IMMP1L: variants seen among roughly 807,000 people sequenced by gnomAD.
IMMP1L encodes mitochondrial inner membrane protease subunit 1.
A neutral mutation model predicts 21.8 loss-of-function variants in IMMP1L; 24 were observed. The observed-to-expected ratio is 1.10, with a 90% CI of 0.80 to 1.55. The LOEUF is 1.55. Ranked by LOEUF, IMMP1L falls within the 40% of genes most tolerant of loss-of-function variation. The pLI, the probability that IMMP1L is intolerant of heterozygous loss-of-function variation, is 0.00. For synonymous variants in IMMP1L, 46 were observed against 62.8 expected, an observed-to-expected ratio of 0.73 and a Z score of 1.26; for missense variants, 195 against 200.7, an observed-to-expected ratio of 0.97 and a Z score of 0.17.
chr11:31,475,017 C>T (rs1043505669), intron 1 of IMMP1L, among the ~76,000 whole-genome samples: 5 of 152,142 alleles, frequency 3.3e-5, no homozygotes, highest in Non-Finnish European at 7.4e-5. Flanking sequence ...CCGACGCATA[C>T]TCAATATTTT....
chr11:31,462,316 CAAA>C (rs777053056), intron 2 of IMMP1L, among the ~76,000 whole-genome samples: 6 of 71,996 alleles, frequency 8.3e-5, no homozygotes, highest in Admixed American at 1.5e-4. Flanking sequence ...ACCCTGTCTC[CAAA>C]AAAAAAAAAA....
intron 1 of IMMP1L, among the ~76,000 whole-genome samples, chr11:31,479,140 A>C (rs904765161): frequency 2.0e-5 from 3 of 152,078 alleles, no homozygotes; most frequent in Non-Finnish European, 4.4e-5. Flanking sequence ...TTTTATATAA[A>C]AAAAAAGTAC....
At chr11:31,459,914 T>C (rs534123010) in intron 3 of IMMP1L, among the ~76,000 whole-genome samples, 2 of 152,190 alleles carry the variant, frequency 1.3e-5, no homozygotes, top group African/African-American at 4.8e-5. Context: ...CCCAACACTT[T>C]GGGAGGCTGA....
Position 31,432,689 on chromosome 11 carries a change from A to C in IMMP1L, c.433-121T>G, listed in dbSNP as rs533363287. 1.8e-4 allele frequency: 118 copies of C among 663,566 alleles called. 2 individuals are homozygous for C. The African/African-American group carries it at 1.9e-3, about 11-fold the overall frequency. The allele number at this position is 663,566 out of a possible 1,614,324, so 41.1% of individuals were successfully genotyped here. A position where few individuals can be genotyped will look rare whatever the true frequency, so the allele number is the denominator to read the frequency against. ...GATAAACACTTTCTCCTTACTCATC[A>C]ATCAAGAATAAAATTTTCTACATCA... On this transcript the variant is annotated intron_variant, in intron 5 of 5. Transcript: ENST00000532287.
intron 4 of IMMP1L, among the ~76,000 whole-genome samples, chr11:31,448,759 G>C (rs1953628227): frequency 6.6e-6 from 1 of 152,136 alleles, no homozygotes; most frequent in Non-Finnish European, 1.5e-5. Context: ...CCATATTACT[G>C]TTAAACTAAG....
chr11:31,460,571 CAAT>C (rs762723126), intron 3 of IMMP1L, 52 bp downstream of exon 3: 103 of 1,074,060 alleles, frequency 9.6e-5, no homozygotes, highest in Non-Finnish European at 1.3e-4. Flanking sequence ...AGAAAAGCCA[CAAT>C]GTGTGTGTGT....
chr11:31,485,687 A>T (rs1411837746), intron 1 of IMMP1L, among the ~76,000 whole-genome samples: 1 of 151,908 alleles, frequency 6.6e-6, no homozygotes, highest in Non-Finnish European at 1.5e-5. Flanking sequence ...GACAACAAAA[A>T]GCAAGAATTA....
intron 1 of IMMP1L, among the ~76,000 whole-genome samples, chr11:31,489,681 CTCT>C (rs1955193635): frequency 6.6e-6 from 1 of 152,176 alleles, no homozygotes; most frequent in South Asian, 2.1e-4. Flanking sequence ...TCTCTTCCTC[CTCT>C]TTTGTAATGC....
At chr11:31,497,460 C>CTTTTTTTTT (rs796666845) in intron 1 of IMMP1L, among the ~76,000 whole-genome samples, 1 of 123,998 alleles carries the variant, frequency 8.1e-6, no homozygotes. Context: ...TATTTCTTTT[C>CTTTTTTTTT]TTTTTTTTTT....
chr11:31,499,390 A>T (rs1303575660), intron 1 of IMMP1L, among the ~76,000 whole-genome samples: 1 of 151,802 alleles, frequency 6.6e-6, no homozygotes, highest in Non-Finnish European at 1.5e-5. Context: ...ACAAAACAAA[A>T]CAAAAAACAC....
chr11:31,452,587 G>A (rs1186358033), intron 4 of IMMP1L: 2 of 985,388 alleles, frequency 2.0e-6, no homozygotes, highest in Non-Finnish European at 2.4e-6. Flanking sequence ...ATACAGAAAG[G>A]CAACATACTC....
At chr11:31,442,825 G>C (rs1282031352) in intron 4 of IMMP1L, among the ~76,000 whole-genome samples, 1 of 151,112 alleles carries the variant, frequency 6.6e-6, no homozygotes, top group Non-Finnish European at 1.5e-5. Context: ...AAAGCAATCA[G>C]ATAGTCTTTT....
intron 1 of IMMP1L, 147 bp downstream of exon 1, chr11:31,509,372 A>C (rs917700118): frequency 2.3e-5 from 4 of 170,670 alleles, no homozygotes; most frequent in African/African-American, 9.5e-5. Context: ...AATGAGCAGG[A>C]AAAAAGTCTA....
chr11:31,447,290 G>T (rs907543144), intron 4 of IMMP1L, among the ~76,000 whole-genome samples: 1 of 152,150 alleles, frequency 6.6e-6, no homozygotes, highest in African/African-American at 2.4e-5. Flanking sequence ...CAGTGGTCTG[G>T]CTGCTTCTGA....
At chr11:31,464,573 A>C (rs565568872) in intron 1 of IMMP1L, among the ~76,000 whole-genome samples, 1 of 152,328 alleles carries the variant, frequency 6.6e-6, no homozygotes, top group East Asian at 1.9e-4. Context: ...ACAACGCATT[A>C]AAGAGATAAT....
At chr11:31,456,820 G>T (rs974197234) in intron 3 of IMMP1L, among the ~76,000 whole-genome samples, 2 of 133,082 alleles carry the variant, frequency 1.5e-5, no homozygotes, top group Non-Finnish European at 3.1e-5. Flanking sequence ...AGGAGTTCAC[G>T]GTTGCAGTGA....
intron 1 of IMMP1L, among the ~76,000 whole-genome samples, chr11:31,501,208 A>G (rs533489059): frequency 6.6e-6 from 1 of 152,316 alleles, no homozygotes; most frequent in Admixed American, 6.5e-5. Flanking sequence ...CATTTTAATT[A>G]CTGCTTTAAC....
intron 1 of IMMP1L, chr11:31,469,935 C>T (rs1431787926): frequency 6.6e-6 from 1 of 152,080 alleles, no homozygotes; most frequent in East Asian, 1.9e-4. Flanking sequence ...AATAAAATGG[C>T]ATTTTTAAAG....
intron 3 of IMMP1L, among the ~76,000 whole-genome samples, chr11:31,457,883 T>C (rs985737893): frequency 5.9e-5 from 9 of 152,180 alleles, no homozygotes; most frequent in African/African-American, 2.2e-4. Context: ...CATTCTATAA[T>C]TTGGAGGCAA....
Sources: allele counts gnomAD v4.1 joint callset (sites outside exome capture counted in the v4.1 genomes callset), GRCh38; gene constraint gnomAD v4.1.1; transcripts MANE v1.5; gene names NCBI Gene and HGNC (gene_info 2026-07-23, HGNC 2026-07-21).